Variants in GPM6A observed in about 807,000 individuals in gnomAD.
GPM6A encodes neuronal membrane glycoprotein M6-a.
A neutral mutation model predicts 32.1 loss-of-function variants in GPM6A; 7 were observed. That is an observed-to-expected ratio of 0.22 (90% CI 0.12 to 0.41). The LOEUF (loss-of-function observed/expected upper bound fraction) is 0.41, where lower values mean the gene tolerates loss of function less well. Ranked by LOEUF, GPM6A falls within the 10% of genes least tolerant of loss-of-function variation. The pLI is 1.00. For missense variants in GPM6A, 235 were observed against 347.2 expected (o/e 0.68, Z 2.57); for synonymous variants, 130 against 123.4 (o/e 1.05, Z -0.35).
chr4:175,648,691 A>G (rs1185014601), intron 4 of GPM6A, among the ~76,000 whole-genome samples: 1 of 152,144 alleles, frequency 6.6e-6, no homozygotes, highest in Admixed American at 6.6e-5. Flanking sequence ...TCTCCAGGCC[A>G]CCCACATGCC....
At chr4:175,865,754 A>G (rs1190366990) in intron 1 of GPM6A, among the ~76,000 whole-genome samples, 1 of 152,142 alleles carries the variant, frequency 6.6e-6, no homozygotes, top group African/African-American at 2.4e-5. Context: ...GCTGGCATAT[A>G]GAATATTTTT....
At chr4:175,873,609 T>C (rs1736988544) in intron 1 of GPM6A, among the ~76,000 whole-genome samples, 1 of 152,148 alleles carries the variant, frequency 6.6e-6, no homozygotes, top group South Asian at 2.1e-4. Flanking sequence ...CAATTATTAA[T>C]GAATTAATTT....
chr4:175,782,673 T>C (rs1733657770), intron 1 of GPM6A, among the ~76,000 whole-genome samples: 1 of 152,146 alleles, frequency 6.6e-6, no homozygotes, highest in African/African-American at 2.4e-5. Flanking sequence ...AGATAAGTTG[T>C]TACTACCTTA....
chr4:175,717,827 A>T (rs1745918052), intron 1 of GPM6A, among the ~76,000 whole-genome samples: 1 of 152,234 alleles, frequency 6.6e-6, no homozygotes, highest in Non-Finnish European at 1.5e-5. Flanking sequence ...TGTGGATATC[A>T]TGGAAAAGCT....
At chr4:175,933,107 CCAAG>C (rs750834004) in intron 1 of GPM6A, among the ~76,000 whole-genome samples, 2 of 151,612 alleles carry the variant, frequency 1.3e-5, no homozygotes, top group East Asian at 3.9e-4. Flanking sequence ...AAAAGATACA[CCAAG>C]CAAATACTAA....
At chr4:175,927,208 G>A (rs1738870785) in intron 1 of GPM6A, among the ~76,000 whole-genome samples, 1 of 152,190 alleles carries the variant, frequency 6.6e-6, no homozygotes, top group South Asian at 2.1e-4. Context: ...TATTAGGACG[G>A]AAGGACACGG....
intron 1 of GPM6A, among the ~76,000 whole-genome samples, chr4:175,709,071 A>C (rs1427868172): frequency 6.6e-6 from 1 of 152,236 alleles, no homozygotes; most frequent in Non-Finnish European, 1.5e-5. Flanking sequence ...CAATTTCTGT[A>C]AGCATACGTA....
chr4:175,884,987 T>G (rs1455196319), intron 1 of GPM6A, among the ~76,000 whole-genome samples: 8 of 152,210 alleles, frequency 5.3e-5, no homozygotes, highest in Non-Finnish European at 1.2e-4. Flanking sequence ...GGTGAGAATA[T>G]AGAGCAACTG....
chr4:175,836,670 A>G (rs1178948536), intron 1 of GPM6A, among the ~76,000 whole-genome samples: 1 of 151,906 alleles, frequency 6.6e-6, no homozygotes. Context: ...ATATGTTAGA[A>G]AATGCCCCCA....
intron 2 of GPM6A, among the ~76,000 whole-genome samples, chr4:175,688,075 A>G (rs1744089896): frequency 6.6e-6 from 1 of 152,060 alleles, no homozygotes; most frequent in Non-Finnish European, 1.5e-5. Flanking sequence ...TGTAGGAGTT[A>G]CTTATATTTT....
intron 1 of GPM6A, among the ~76,000 whole-genome samples, chr4:175,876,096 C>T (rs749162340): frequency 6.6e-6 from 1 of 152,144 alleles, no homozygotes; most frequent in Non-Finnish European, 1.5e-5. Flanking sequence ...GAACGTTAGA[C>T]AAAATTTTAA....
intron 1 of GPM6A, among the ~76,000 whole-genome samples, chr4:175,819,254 G>A (rs952367786): frequency 2.0e-5 from 3 of 152,044 alleles, no homozygotes; most frequent in Non-Finnish European, 4.4e-5. Context: ...CTGATTCTCT[G>A]TGGTCACAAA....
At chr4:175,930,554 C>A (rs149368711) in intron 1 of GPM6A, among the ~76,000 whole-genome samples, 2 of 151,918 alleles carry the variant, frequency 1.3e-5, no homozygotes, top group African/African-American at 4.8e-5. Flanking sequence ...TTATACTCAA[C>A]TCTGAATTTC....
intron 1 of GPM6A, among the ~76,000 whole-genome samples, chr4:175,788,660 A>T (rs1213298250): frequency 6.6e-6 from 1 of 152,196 alleles, no homozygotes. Flanking sequence ...AGAAAATGAA[A>T]ATTTTACAGA....
At chr4:175,870,667 A>G (rs554703113) in intron 1 of GPM6A, among the ~76,000 whole-genome samples, 11 of 152,124 alleles carry the variant, frequency 7.2e-5, no homozygotes, top group African/African-American at 2.6e-4. Context: ...TTGTTCCCAC[A>G]CCCTATGTCA....
intron 1 of GPM6A, among the ~76,000 whole-genome samples, chr4:175,757,668 A>C (rs1472500894): frequency 6.6e-6 from 1 of 152,144 alleles, no homozygotes; most frequent in Non-Finnish European, 1.5e-5. Context: ...GATTGGGTAA[A>C]TTGGTTTTTA....
intron 1 of GPM6A, among the ~76,000 whole-genome samples, chr4:175,845,310 G>C (rs1736054438): frequency 6.6e-6 from 1 of 152,024 alleles, no homozygotes; most frequent in African/African-American, 2.4e-5. Context: ...GTAGACAATG[G>C]TGTGACCCAC....
chr4:175,970,433 TAAC>T (rs1327873003), intron 1 of GPM6A, among the ~76,000 whole-genome samples: 1 of 152,120 alleles, frequency 6.6e-6, no homozygotes, highest in Admixed American at 6.5e-5. Context: ...TGGTAAACAA[TAAC>T]AATAGACTTT....
intron 1 of GPM6A, among the ~76,000 whole-genome samples, chr4:175,892,175 TCCTA>T (rs990968757): frequency 5.9e-5 from 9 of 152,320 alleles, no homozygotes; most frequent in Non-Finnish European, 8.8e-5. Flanking sequence ...CTCATATGAA[TCCTA>T]CCTAATTGAG....
Sources: gnomAD v4.1 joint callset for allele counts (sites outside exome capture counted in the v4.1 genomes callset) on GRCh38, gnomAD v4.1.1 for gene constraint, MANE v1.5 for transcripts, NCBI Gene and HGNC (gene_info 2026-07-23, HGNC 2026-07-21) for gene names.